Variants in RIIAD1 observed in about 807,000 individuals in gnomAD.
The protein encoded by RIIAD1 is regulatory subunit of type II PKA R-subunit domain containing 1, also known as RIIa domain-containing protein 1.
RIIAD1 carries 15 observed loss-of-function variants against 13.3 expected under a neutral mutation model. The observed-to-expected ratio is 1.13, with a 90% confidence interval of 0.76 to 1.74. RIIAD1 has a LOEUF of 1.74. RIIAD1 is among the 40% of genes most tolerant of loss of function. The probability of loss-of-function intolerance (pLI) is 0.00; values close to 1 mark genes in which losing one functional copy is unlikely to be tolerated. For synonymous variants in RIIAD1, 50 were observed against 43.3 expected, an observed-to-expected ratio of 1.16 and a Z score of -0.61; for missense variants, 121 against 112.2, an observed-to-expected ratio of 1.08 and a Z score of -0.35.
chr1:151,722,366 C>A (rs1673753503), intron 2 of RIIAD1, among the ~76,000 whole-genome samples: 1 of 152,196 alleles, frequency 6.6e-6, no homozygotes, highest in Non-Finnish European at 1.5e-5. Context: ...GTGTAGAACA[C>A]TATTCTCAAC....
At chr1:151,713,909 GA>G (rs1312618165) in intron 3 of RIIAD1, among the ~76,000 whole-genome samples, 1 of 152,190 alleles carries the variant, frequency 6.6e-6, no homozygotes, top group African/African-American at 2.4e-5. Flanking sequence ...CCTTGCAGGA[GA>G]GGGGCCACCT....
intron 2 of RIIAD1, among the ~76,000 whole-genome samples, chr1:151,722,379 T>C (rs1673753653): frequency 6.6e-6 from 1 of 152,188 alleles, no homozygotes; most frequent in African/African-American, 2.4e-5. Context: ...TTCTCAACCA[T>C]AGGAGCTTAA....
In RIIAD1 at chr1:151,713,697, C is replaced by T. The variant is rs76839505; in HGVS notation, c.-90+133C>T. ...CGCCTTGGGTCCTGCAGCTCACACA[C>T]GTGCATGGCCCTTAACTCTGGCTGT... On this transcript the variant is annotated intron_variant, in intron 3 of 8. Coordinates refer to the RIIAD1 transcript ENST00000326413. 262 of 153,114 alleles carry T rather than the reference C, an allele frequency of 1.7e-3. 3 individuals are homozygous for T. Among genetic ancestry groups the T allele is most frequent in the Non-Finnish European group, 2.6e-3 (177 of 68,524 alleles). The allele number at this position is 153,114 out of a possible 1,614,324, so 9.5% of individuals were successfully genotyped here. A position where few individuals can be genotyped will look rare whatever the true frequency, so the allele number is the denominator to read the frequency against.
intron 4 of RIIAD1, 66 bp from the exon 5 acceptor site, chr1:151,729,421 TA>T (rs1355433255): frequency 1.3e-4 from 19 of 149,722 alleles, no homozygotes; most frequent in South Asian, 6.3e-4. Context: ...AGCTGGGATT[TA>T]AAAAAAAAAT....
chr1:151,715,957 C>T, intron 4 of RIIAD1: 1 of 1,614,198 alleles, frequency 6.2e-7, no homozygotes, highest in Non-Finnish European at 8.5e-7. Context: ...GGCTTCAGGT[C>T]CTTCTCCTCC....
chr1:151,727,958 A>C (rs1673862441), intron 3 of RIIAD1, among the ~76,000 whole-genome samples: 1 of 152,156 alleles, frequency 6.6e-6, no homozygotes, highest in South Asian at 2.1e-4. Context: ...AGCTTTTAGA[A>C]CTACTGATGC....
chr1:151,714,101 A>G (rs1673253961), intron 3 of RIIAD1, among the ~76,000 whole-genome samples: 1 of 151,998 alleles, frequency 6.6e-6, no homozygotes, highest in Admixed American at 6.5e-5. Context: ...TCTTCCTGGG[A>G]GACAGAAGGG....
At chr1:151,711,965 A>G (rs559354902) in exon 2 of RIIAD1, 1 of 152,368 alleles carries the variant, frequency 6.6e-6, no homozygotes, top group African/African-American at 2.4e-5. Flanking sequence ...GAGACACACA[A>G]GTGTACAGAC....
At chr1:151,711,699 T>G (rs1372532237) in intron 1 of RIIAD1, 1 of 152,258 alleles carries the variant, frequency 6.6e-6, no homozygotes, top group Non-Finnish European at 1.5e-5. Flanking sequence ...ACTCAGGAAA[T>G]TCCCTCACAG....
chr1:151,728,544 G>T, intron 3 of RIIAD1: 1 of 524,886 alleles, frequency 1.9e-6, no homozygotes, highest in Non-Finnish European at 3.4e-6. Context: ...CAGCCTCTGG[G>T]AGCCCTTCCT....
chr1:151,722,297 A>G (rs905044555), intron 2 of RIIAD1, 135 bp downstream of exon 2: 7 of 633,090 alleles, frequency 1.1e-5, no homozygotes, highest in Non-Finnish European at 1.1e-5. Context: ...ATAAATACAT[A>G]CCTTATGACA....
At chr1:151,721,036 C>G (rs1269706735), upstream of RIIAD1, among the ~76,000 whole-genome samples, 7 of 152,302 alleles carry the variant, frequency 4.6e-5, no homozygotes, top group East Asian at 1.2e-3. Context: ...TCGGACAGAA[C>G]GTTCCTTCCT....
chr1:151,713,312 G>T (rs77530620), intron 2 of RIIAD1, among the ~76,000 whole-genome samples: 4,115 of 152,294 alleles, frequency 0.027, 185 homozygotes, highest in African/African-American at 0.095. Context: ...TGCCTGAGCT[G>T]CCAGGCAGCT....
chr1:151,717,116 C>G (rs544505340), upstream of RIIAD1, among the ~76,000 whole-genome samples: 108 of 152,156 alleles, frequency 7.1e-4, 2 homozygotes, highest in South Asian at 6.2e-3. Context: ...GTCCCCGGTG[C>G]TGGAAGACTC....
intron 4 of RIIAD1, chr1:151,715,985 C>T (rs746815200): frequency 3.5e-5 from 57 of 1,613,866 alleles, no homozygotes; most frequent in Non-Finnish European, 4.2e-5. Flanking sequence ...TCGGGATCTG[C>T]CCCACAAACA....
In RIIAD1 at chr1:151,728,719, T is replaced by C. The variant is rs1173119001; in HGVS notation, c.209-47T>C. On this transcript the variant is annotated intron_variant, in intron 3 of 4. Coordinates refer to ENST00000479191, the MANE Select transcript of RIIAD1 (RefSeq NM_001144956.3). ...GCTGTCTCCTTCCATGGGTAAATCTTTTCCCTTTGGGTATAGATGATGTCT... is the reference window on the plus strand; with the variant it reads ...GCTGTCTCCTTCCATGGGTAAATCTCTTCCCTTTGGGTATAGATGATGTCT... The C allele has an allele frequency of 1.6e-5, 19 of 1,160,294 alleles. No homozygotes were observed. The East Asian group carries it at 4.8e-4, about 30-fold the overall frequency. 71.9% of individuals were successfully genotyped at this position (1,160,294 alleles called of 1,614,324 possible). A position where few individuals can be genotyped will look rare whatever the true frequency, so the allele number is the denominator to read the frequency against.
upstream of RIIAD1, among the ~76,000 whole-genome samples, chr1:151,718,917 G>C (rs1673678347): frequency 6.6e-6 from 1 of 152,144 alleles, no homozygotes; most frequent in Non-Finnish European, 1.5e-5. Flanking sequence ...ATGGAGAAGG[G>C]GAAGACCCTA....
chr1:151,715,495 G>A (rs1350132714), intron 4 of RIIAD1: 1 of 659,114 alleles, frequency 1.5e-6, no homozygotes. Flanking sequence ...ATCTGAGGCT[G>A]CTCAGATTCT....
At chr1:151,712,692 AG>A (rs2101474600) in intron 2 of RIIAD1, among the ~76,000 whole-genome samples, 1 of 152,348 alleles carries the variant, frequency 6.6e-6, no homozygotes, top group South Asian at 2.1e-4. Flanking sequence ...CTATAGGCCC[AG>A]CCCCCATTCT....
Sources: allele counts gnomAD v4.1 joint callset (sites outside exome capture counted in the v4.1 genomes callset), GRCh38; gene constraint gnomAD v4.1.1; transcripts MANE v1.5; gene names NCBI Gene and HGNC (gene_info 2026-07-23, HGNC 2026-07-21).